The following LEO1 variants were observed in gnomAD, a reference collection of about 807,000 sequenced individuals.
LEO1 encodes RNA polymerase-associated protein LEO1.
In LEO1, 34 loss-of-function variants were observed where a neutral mutation model predicts 80.4. That is an observed-to-expected ratio of 0.42 (90% CI 0.32 to 0.56). The LOEUF (loss-of-function observed/expected upper bound fraction) is 0.56. Among genes scored for constraint, LEO1 ranks in the 20% least tolerant of loss-of-function variants. The pLI is 0.10. For missense variants in LEO1, 631 were observed against 814.2 expected, an observed-to-expected ratio of 0.77 and a Z score of 2.74; for synonymous variants, 262 against 274.9, an observed-to-expected ratio of 0.95 and a Z score of 0.46.
chr15:51,953,206 G>A lies in LEO1; in HGVS notation c.1398C>T (p.Gly466=), dbSNP rs1389275789. Residue 466 remains glycine (G), a synonymous_variant, in exon 8 of 12, where the codon GGC becomes GGT. Coordinates refer to ENST00000299601, the MANE Select transcript of LEO1 (RefSeq NM_138792.4). ...VFDVYKAPLQ[G]DHNHLFIRQG... ...GTCTTATAAAAAGATGATTGTGGTC[G>A]CCCTGCAGTGGGGCTTTGTACACAT... 13 of 1,613,678 alleles carry A rather than the reference G, an allele frequency of 8.1e-6. No homozygotes were observed. Among genetic ancestry groups the A allele is most frequent in the Admixed American group, 3.3e-5 (2 of 60,002 alleles).
chr15:51,962,629 T>C (rs146539395), intron 2 of LEO1, 136 bp from the exon 3 acceptor site: 363 of 611,334 alleles, frequency 5.9e-4, no homozygotes, highest in African/African-American at 5.7e-3. Context: ...GAACTGCTGA[T>C]ACATGTAACC....
intron 6 of LEO1, among the ~76,000 whole-genome samples, chr15:51,957,233 A>G (rs1203604533): frequency 2.0e-5 from 3 of 152,224 alleles, no homozygotes; most frequent in African/African-American, 7.2e-5. Flanking sequence ...AAGGAAAAAG[A>G]CAAAATTAAA....
At chr15:51,938,809 C>T (rs2623290) in intron 11 of LEO1, among the ~76,000 whole-genome samples, 5,112 of 152,186 alleles carry the variant, frequency 0.034, 291 homozygotes, top group African/African-American at 0.12. Flanking sequence ...TAGGAAGTTA[C>T]CTAAAAAACA....
At chr15:51,940,321 G>A (rs1376163584) in intron 11 of LEO1, among the ~76,000 whole-genome samples, 2 of 150,262 alleles carry the variant, frequency 1.3e-5, no homozygotes, top group East Asian at 2.0e-4. Context: ...AGCACTTTGG[G>A]AGGCCGAGGT....
intron 11 of LEO1, among the ~76,000 whole-genome samples, chr15:51,939,407 T>C (rs535080190): frequency 6.6e-6 from 1 of 152,190 alleles, no homozygotes; most frequent in South Asian, 2.1e-4. Flanking sequence ...TTATCCCAAA[T>C]ACATTCCCAC....
chr15:51,947,474 G>A, intron 10 of LEO1, 85 bp from the exon 11 acceptor site: 1 of 909,608 alleles, frequency 1.1e-6, no homozygotes. Context: ...GGAGTGCAGT[G>A]GCACAATCAT....
At chr15:51,941,724 A>G (rs2056854487) in intron 11 of LEO1, among the ~76,000 whole-genome samples, 1 of 152,248 alleles carries the variant, frequency 6.6e-6, no homozygotes, top group Non-Finnish European at 1.5e-5. Context: ...GCTCTCTTTT[A>G]CATTTTTCTT....
In LEO1 at chr15:51,971,739, C is replaced by T; in HGVS notation, c.7G>A (p.Asp3Asn). ...TCGCTCCCGAAGAGATCCTCCATAT[C>T]CGCCATTATCGCTCACGTCCGCTGC... is the stretch of plus-strand genomic sequence containing the variant. Reference protein sequence around the residue: MADMEDLFGSDAD... With the variant: MANMEDLFGSDAD... Residue 3 changes from aspartate to asparagine, a missense_variant, in exon 1 of 12, where the codon GAT becomes AAT. By Grantham distance (23) the Asp-to-Asn change is conservative. Around this residue, in one of 4 missense-constraint regions of LEO1, gnomAD observed 394 missense variants for 395.6 expected, o/e 1.00. Coordinates refer to ENST00000299601, the MANE Select transcript of LEO1 (RefSeq NM_138792.4). 1 of 1,614,208 alleles carries T rather than the reference C, an allele frequency of 6.2e-7. No individual in the cohort carries two copies. The highest frequency in any genetic ancestry group is 8.5e-7 in the Non-Finnish European group (1 of 1,180,040).
rs1212044419 is a variant in LEO1 at position 51,965,763 on chromosome 15, T to C, written c.800A>G (p.Gln267Arg). The C allele has an allele frequency of 6.2e-7, 1 of 1,608,544 alleles. No homozygotes were observed. Among genetic ancestry groups the C allele is most frequent in the Admixed American group, 1.7e-5 (1 of 58,746 alleles). Residue 267 changes from glutamine to arginine, a missense_variant, in exon 2 of 12, where the codon CAG becomes CGG. Gln to Arg is a conservative substitution (Grantham distance 43). Coordinates refer to ENST00000299601, the MANE Select transcript of LEO1 (RefSeq NM_138792.4). ...AAATGTATTACCTGATTTATGATCC[T>C]GTTCCTCTTCATCATCTGAATGCCT... ...EHRHSDDEEE[Q>R]DHKSESARGS...
chr15:51,962,254 T>C (rs528515932), intron 3 of LEO1, 135 bp downstream of exon 3: 1 of 516,380 alleles, frequency 1.9e-6, no homozygotes, highest in African/African-American at 2.0e-5. Context: ...CTTCTCTGAG[T>C]ACACTGAGCG....
chr15:51,957,349 T>G (rs995032633), intron 6 of LEO1, among the ~76,000 whole-genome samples: 1 of 151,986 alleles, frequency 6.6e-6, no homozygotes, highest in South Asian at 2.1e-4. Flanking sequence ...AAAACAACCA[T>G]GAAAAATTGA....
At chr15:51,947,990 T>A (rs1266569207) in intron 10 of LEO1, among the ~76,000 whole-genome samples, 1 of 152,196 alleles carries the variant, frequency 6.6e-6, no homozygotes, top group Non-Finnish European at 1.5e-5. Flanking sequence ...CGAAGTCAAC[T>A]ATTAAAGCCT....
chr15:51,963,972 C>T (rs1291342250), intron 2 of LEO1, among the ~76,000 whole-genome samples: 2 of 151,040 alleles, frequency 1.3e-5, no homozygotes, highest in African/African-American at 2.4e-5. Flanking sequence ...TTTGGGAGGC[C>T]GAAGCAGGCG....
intron 10 of LEO1, among the ~76,000 whole-genome samples, chr15:51,949,439 C>T (rs1213842573): frequency 1.3e-5 from 2 of 152,132 alleles, no homozygotes; most frequent in Admixed American, 1.3e-4. Context: ...GTGGCTCATG[C>T]CTGTAATCCC....
Position 51,954,502 on chromosome 15 carries a change from A to G in LEO1, c.1319T>C (p.Ile440Thr). Residue 440 changes from isoleucine to threonine, a missense_variant, in exon 7 of 12, where the codon ATA (isoleucine) becomes ACA (threonine). By Grantham distance (89) the Ile-to-Thr change is moderately conservative. Transcript: ENST00000299601. Reference protein sequence around the residue: ...GNEIKESNARIVKWSDGSMSL... With the variant: ...GNEIKESNARTVKWSDGSMSL... ...TCACCTTCCATCTGACCACTTGACT[A>G]TCCGAGCATTGCTTTCTTTAATTTC... The G allele has an allele frequency of 6.2e-7, 1 of 1,613,348 alleles. No homozygotes were observed. The highest frequency in any genetic ancestry group is 8.5e-7 in the Non-Finnish European group (1 of 1,179,296).
chr15:51,947,511 G>A (rs979507880), intron 10 of LEO1, 122 bp from the exon 11 acceptor site: 5 of 659,550 alleles, frequency 7.6e-6, no homozygotes, highest in Admixed American at 2.7e-5. Context: ...GACCTCCTGG[G>A]CTTAGGTGAT....
At chr15:51,951,721 C>T (rs961157216) in intron 9 of LEO1, 123 bp downstream of exon 9, 36 of 789,100 alleles carry the variant, frequency 4.6e-5, no homozygotes, top group Non-Finnish European at 7.3e-5. Flanking sequence ...ATCCAGCTCC[C>T]TATTCATGTC....
chr15:51,954,711 C>G (rs1174842663), intron 6 of LEO1, 136 bp from the exon 7 acceptor site: 1 of 633,820 alleles, frequency 1.6e-6, no homozygotes, highest in African/African-American at 1.8e-5. Flanking sequence ...GAATGAACAA[C>G]ACTGAAACCC....
chr15:51,969,277 AAC>A (rs748567171), intron 1 of LEO1, among the ~76,000 whole-genome samples: 1 of 151,912 alleles, frequency 6.6e-6, no homozygotes, highest in Non-Finnish European at 1.5e-5. Context: ...ATTTTTTTAA[AAC>A]AGAGGACTTG....
Sources: gnomAD v4.1 joint callset for allele counts (sites outside exome capture counted in the v4.1 genomes callset) on GRCh38, gnomAD v4.1.1 for gene constraint, gnomAD v4.1.1 regional missense constraint, MANE v1.5 for transcripts, NCBI Gene and HGNC (gene_info 2026-07-23, HGNC 2026-07-21) for gene names.